The following TPM3 variants were observed in gnomAD, a reference collection of about 807,000 sequenced individuals.
The protein encoded by TPM3 is tropomyosin 3, also known as tropomyosin alpha-3 chain.
In TPM3, 16 loss-of-function variants were observed where a neutral mutation model predicts 43.1. The ratio of observed to expected loss-of-function variants is 0.37; its 90% CI spans 0.25 to 0.56. The LOEUF is 0.56. Among genes scored for constraint, TPM3 ranks in the 20% least tolerant of loss-of-function variants. The probability of loss-of-function intolerance (pLI) is 0.77; values close to 1 mark genes in which losing one functional copy is unlikely to be tolerated. For missense variants in TPM3, 176 were observed against 337.2 expected (o/e 0.52, Z 3.74); for synonymous variants, 101 against 116.9 (o/e 0.86, Z 0.88).
Position 154,191,065 on chromosome 1 carries a change from G to A in TPM3, c.243+121C>T, listed in dbSNP as rs143872753. On this transcript the variant is annotated intron_variant, in intron 2 of 9. Transcript: ENST00000651641. ...CCAGCATGTGGTTATATGCAAAAAT[G>A]TATGTGAGTATATATGTCTGTGTTC... 1.0e-4 allele frequency: 152 copies of A among 1,481,890 alleles called. 1 individual carries two copies. The African/African-American group carries it at 1.9e-3, about 19-fold the overall frequency. 91.8% of individuals were successfully genotyped at this position (1,481,890 alleles called of 1,614,324 possible).
chr1:154,188,674 C>CAAAA (rs572467862), intron 2 of TPM3, among the ~76,000 whole-genome samples: 3 of 59,504 alleles, frequency 5.0e-5, no homozygotes, highest in Non-Finnish European at 1.1e-4. Context: ...GACTCCGTCT[C>CAAAA]AAAAAAAAAA....
Position 154,187,418 on chromosome 1 carries a change from G to C in TPM3, c.243+3768C>G, listed in dbSNP as rs967139566. 9.1e-6 allele frequency: 9 copies of C among 984,584 alleles called. 1 individual carries two copies. In the African/African-American group the frequency reaches 1.4e-4, roughly 15 times the overall value. 61.0% of individuals were successfully genotyped at this position (984,584 alleles called of 1,614,324 possible). On this transcript the variant is annotated intron_variant, in intron 2 of 9. Coordinates refer to ENST00000651641, the MANE Select transcript of TPM3 (RefSeq NM_152263.4). ...GTTTCTTGTTCTTATGCATATCTCT[G>C]AGGGTACTTTCTGACTTGGGAAAGC...
Position 154,162,048 on chromosome 1 carries a change from A to G in TPM3, c.*5889T>C, listed in dbSNP as rs1297520316. On this transcript the variant is annotated 3_prime_UTR_variant, in exon 10 of 10. Coordinates refer to ENST00000651641, the MANE Select transcript of TPM3 (RefSeq NM_152263.4). Reference sequence around the variant, plus strand: ...GCAAGGCAGAGAACCTATTTGGTCTAGCGTTCTTTTCAGCTATATCTAATT... The same window carrying G: ...GCAAGGCAGAGAACCTATTTGGTCTGGCGTTCTTTTCAGCTATATCTAATT... Among the ~76,000 whole-genome samples, 1 of 152,182 alleles carries G rather than the reference A, an allele frequency of 6.6e-6. No individual in the cohort carries two copies. Among genetic ancestry groups the G allele is most frequent in the African/African-American group, 2.4e-5 (1 of 41,458 alleles).
At chr1:154,156,246 T>A (rs1298094714), downstream of TPM3, 4 of 178,614 alleles carry the variant, frequency 2.2e-5, no homozygotes, top group Non-Finnish European at 3.6e-5. Context: ...ATAATAATAA[T>A]AAAGAATAAA....
At position 154,164,393 on chromosome 1, in the gene TPM3, C is replaced by G. The variant is rs1157942080; in HGVS notation, c.*3544G>C. Among the ~76,000 whole-genome samples the G allele has an allele frequency of 6.6e-6, 1 of 152,110 alleles. No individual in the cohort carries two copies. The highest frequency in any genetic ancestry group is 2.4e-5 in the African/African-American group (1 of 41,430). On this transcript the variant is annotated 3_prime_UTR_variant, in exon 10 of 10. Transcript: ENST00000651641. ...CAGGCTGGTCTCGAACTCCTGGATT[C>G]AAGAAATCCTCTCACCTCAGCCTCC...
chr1:154,167,718 C>T lies in TPM3; in HGVS notation c.*219G>A. The stretch of plus-strand genomic sequence containing the variant: ...TTCTTAGGGACAGCAACAGCTTTGT[C>T]AATGACACAAATGCAGGGTGGCATG... On this transcript the variant is annotated 3_prime_UTR_variant, in exon 10 of 10. Transcript: ENST00000651641. 1 of 1,413,392 alleles carries T rather than the reference C, an allele frequency of 7.1e-7. No individual in the cohort carries two copies. The highest frequency in any genetic ancestry group is 9.3e-7 in the Non-Finnish European group (1 of 1,077,696). The allele number at this position is 1,413,392 out of a possible 1,614,324, so 87.6% of individuals were successfully genotyped here. A position where few individuals can be genotyped will look rare whatever the true frequency, so the allele number is the denominator to read the frequency against.
intron 2 of TPM3, among the ~76,000 whole-genome samples, chr1:154,184,358 C>A (rs750864281): frequency 6.6e-6 from 1 of 152,066 alleles, no homozygotes; most frequent in Non-Finnish European, 1.5e-5. Flanking sequence ...AATTAACCAA[C>A]CTTCCAGCCC....
intron 2 of TPM3, among the ~76,000 whole-genome samples, chr1:154,189,675 G>A (rs1035383377): frequency 6.6e-6 from 1 of 151,656 alleles, no homozygotes; most frequent in East Asian, 1.9e-4. Context: ...GCACGTGCCT[G>A]TAATCCCAGT....
At chr1:154,183,545 C>G (rs188484522) in intron 2 of TPM3, 3 of 356,114 alleles carry the variant, frequency 8.4e-6, no homozygotes, top group African/African-American at 6.3e-5. Context: ...ATGCCGATAC[C>G]CGTCACCCCT....
intron 2 of TPM3, among the ~76,000 whole-genome samples, chr1:154,181,842 A>G (rs1262754246): frequency 6.6e-6 from 1 of 151,804 alleles, no homozygotes; most frequent in East Asian, 1.9e-4. Flanking sequence ...AATCACTTGA[A>G]CCCGGGAGGC....
chr1:154,182,619 A>G (rs907903545), intron 2 of TPM3, among the ~76,000 whole-genome samples: 4 of 152,032 alleles, frequency 2.6e-5, no homozygotes, highest in African/African-American at 7.2e-5. Flanking sequence ...ACCTCAAGCC[A>G]GAGCAAAGTT....
rs1424745478 is a variant in TPM3, at chr1:154,166,074, G to T, written c.*1863C>A. 6.6e-6 allele frequency among the ~76,000 whole-genome samples: 1 copy of T among 152,238 alleles called. No homozygotes were observed. The highest frequency in any genetic ancestry group is 2.1e-4 in the South Asian group (1 of 4,826). On this transcript the variant is annotated 3_prime_UTR_variant, in exon 10 of 10. Coordinates refer to ENST00000651641, the MANE Select transcript of TPM3 (RefSeq NM_152263.4). ...AATATCCTATACCTAGAAGATACCA[G>T]GAAGTGTCAGCTGAATAAATGAATC...
chr1:154,163,689 C>T lies in TPM3; in HGVS notation c.*4248G>A, dbSNP rs184156241. 1.9e-3 allele frequency among the ~76,000 whole-genome samples: 282 copies of T among 152,054 alleles called. 1 individual carries two copies. Among genetic ancestry groups the T allele is most frequent in the Admixed American group, 5.4e-3 (83 of 15,272 alleles). On this transcript the variant is annotated 3_prime_UTR_variant, in exon 10 of 10. Coordinates refer to ENST00000651641, the MANE Select transcript of TPM3 (RefSeq NM_152263.4). ...TGCTCTGTCACCCAGGCTGGAATGCCGTGGCACAATCTCAGCTCACTACAA... is the reference window on the plus strand; with the variant it reads ...TGCTCTGTCACCCAGGCTGGAATGCTGTGGCACAATCTCAGCTCACTACAA...
chr1:154,167,662 GCT>G lies in TPM3; in HGVS notation c.*273_*274del. On this transcript the variant is annotated 3_prime_UTR_variant, in exon 10 of 10. Coordinates refer to ENST00000651641, the MANE Select transcript of TPM3 (RefSeq NM_152263.4). ...GTCAGAGGAGGGGGAGCCTACAATA[GCT>G]CTTCCCCACATCACACCCCCAAGGC... 1 of 1,326,170 alleles carries G rather than the reference GCT, an allele frequency of 7.5e-7. No individual in the cohort carries two copies. Among genetic ancestry groups the G allele is most frequent in the Non-Finnish European group, 9.7e-7 (1 of 1,030,248 alleles). The allele number at this position is 1,326,170 out of a possible 1,614,324, so 82.2% of individuals were successfully genotyped here.
At chr1:154,190,016 C>T (rs1663612721) in intron 2 of TPM3, among the ~76,000 whole-genome samples, 1 of 151,892 alleles carries the variant, frequency 6.6e-6, no homozygotes, top group African/African-American at 2.4e-5. Context: ...ATCTCGGCTC[C>T]ATGCAGCCTC....
At chr1:154,180,106 TG>T (rs1662786449) in intron 2 of TPM3, among the ~76,000 whole-genome samples, 1 of 152,134 alleles carries the variant, frequency 6.6e-6, no homozygotes, top group South Asian at 2.1e-4. Flanking sequence ...AATACAGAAC[TG>T]AAAGTAAATT....
chr1:154,159,043 G>A (rs1219020570), downstream of TPM3: 3 of 780,700 alleles, frequency 3.8e-6, no homozygotes, highest in South Asian at 2.7e-5. Context: ...TGGCTGTAGA[G>A]ACGCTCTGCA....
intron 2 of TPM3, chr1:154,187,525 A>T (rs773095189): frequency 1.0e-6 from 1 of 984,188 alleles, no homozygotes; most frequent in Admixed American, 6.2e-5. Flanking sequence ...TTCCTATGTA[A>T]ATATGAAGAA....
At chr1:154,170,295 C>G (rs1180067621) in intron 8 of TPM3, 105 bp downstream of exon 8, 15 of 1,268,926 alleles carry the variant, frequency 1.2e-5, no homozygotes, top group Middle Eastern at 5.0e-4. Context: ...TAATACATGC[C>G]AAGTCACTAC....
Sources: allele counts gnomAD v4.1 joint callset (sites outside exome capture counted in the v4.1 genomes callset), GRCh38; gene constraint gnomAD v4.1.1; transcripts MANE v1.5; gene names NCBI Gene and HGNC (gene_info 2026-07-23, HGNC 2026-07-21).